HS1BP3: variants seen among roughly 807,000 people sequenced by gnomAD.
HS1BP3 encodes HCLS1 binding protein 3, also known as HCLS1-binding protein 3.
HS1BP3 carries 32 observed loss-of-function variants against 33.5 expected under a neutral mutation model. That is an observed-to-expected ratio of 0.95 (90% CI 0.72 to 1.28). The LOEUF (loss-of-function observed/expected upper bound fraction) is 1.28, where lower values mean the gene tolerates loss of function less well. Among genes scored for constraint, HS1BP3 ranks in the 50% most tolerant of loss-of-function variants. The probability of loss-of-function intolerance (pLI) is 0.00; values close to 1 mark genes in which losing one functional copy is unlikely to be tolerated. For synonymous variants in HS1BP3, 187 were observed against 209.2 expected, an observed-to-expected ratio of 0.89 and a Z score of 0.92; for missense variants, 486 against 502.3, an observed-to-expected ratio of 0.97 and a Z score of 0.31.
chr2:20,622,367 T>A lies in HS1BP3; in HGVS notation c.920+1529A>T, dbSNP rs1310581669. On this transcript the variant is annotated intron_variant, in intron 6 of 6. Transcript: ENST00000304031. ...CAGTTAATCCTTTCATTAGCAGATG[T>A]CTGCTAAAGTGAAGGTGGGGGTGCG... 3 of 1,289,574 alleles carry A rather than the reference T, an allele frequency of 2.3e-6. No homozygotes were observed. The Admixed American group carries it at 6.9e-5, about 30-fold the overall frequency. 79.9% of individuals were successfully genotyped at this position (1,289,574 alleles called of 1,614,324 possible). A position where few individuals can be genotyped will look rare whatever the true frequency, so the allele number is the denominator to read the frequency against.
intron 5 of HS1BP3, among the ~76,000 whole-genome samples, chr2:20,561,938 G>C (rs1293687571): frequency 6.6e-6 from 1 of 152,188 alleles, no homozygotes; most frequent in Non-Finnish European, 1.5e-5. Flanking sequence ...GGGTGGAAGA[G>C]AGGCTGAAGG....
chr2:20,593,608 G>A (rs532589526), intron 3 of HS1BP3, among the ~76,000 whole-genome samples: 1 of 152,050 alleles, frequency 6.6e-6, no homozygotes, highest in East Asian at 1.9e-4. Flanking sequence ...CCTCTTTTTC[G>A]AGCCAGACAT....
chr2:20,578,061 G>A (rs1331890077), intron 5 of HS1BP3, among the ~76,000 whole-genome samples: 1 of 152,190 alleles, frequency 6.6e-6, no homozygotes, highest in Non-Finnish European at 1.5e-5. Context: ...AGCCGGCTGG[G>A]GACCTCTGGC....
chr2:20,645,431 G>C lies in HS1BP3; in HGVS notation c.107C>G (p.Ser36Cys). 1 of 1,614,176 alleles carries C rather than the reference G, an allele frequency of 6.2e-7. No individual in the cohort carries two copies. The highest frequency in any genetic ancestry group is 8.5e-7 in the Non-Finnish European group (1 of 1,180,030). ...CAGGATCTGGTACTCCACGTGTCCA[G>C]ACATCATCTTGCCCCGTACCTCCTG... ...QHQEVRGKMM[S>C]GHVEYQILVV... The change falls in exon 2 of 7, where the codon TCT (serine) becomes TGT (cysteine). Residue 36 changes from serine to cysteine, a missense_variant. By Grantham distance (112) the Ser-to-Cys change is moderately radical. Coordinates refer to ENST00000304031, the MANE Select transcript of HS1BP3 (RefSeq NM_022460.4).
At chr2:20,596,597 A>G (rs1291386469) in intron 3 of HS1BP3, among the ~76,000 whole-genome samples, 1 of 152,190 alleles carries the variant, frequency 6.6e-6, no homozygotes, top group East Asian at 1.9e-4. Context: ...TGAGCTATAC[A>G]TTGCTGTTGT....
intron 5 of HS1BP3, among the ~76,000 whole-genome samples, chr2:20,587,558 C>G (rs924193634): frequency 1.3e-5 from 2 of 152,168 alleles, no homozygotes; most frequent in African/African-American, 4.8e-5. Flanking sequence ...TCACCAATGA[C>G]AGTGGCCATG....
chr2:20,608,574 CAA>C (rs60486220), intron 2 of HS1BP3, among the ~76,000 whole-genome samples: 49,948 of 96,442 alleles, frequency 0.52, 12,010 homozygotes, highest in Middle Eastern at 0.68. Flanking sequence ...AACTCCGTCT[CAA>C]AAAAAAAAAA....
intron 3 of HS1BP3, among the ~76,000 whole-genome samples, chr2:20,595,208 G>T (rs569834103): frequency 1.3e-5 from 2 of 152,218 alleles, no homozygotes; most frequent in Admixed American, 1.3e-4. Context: ...TTTCAGTCTG[G>T]ACAGATGGCT....
At chr2:20,584,407 C>G (rs148977540) in intron 5 of HS1BP3, among the ~76,000 whole-genome samples, 192 of 152,368 alleles carry the variant, frequency 1.3e-3, no homozygotes, top group African/African-American at 4.5e-3. Context: ...CTTGCTGACT[C>G]AGCCTGCCTG....
intron 2 of HS1BP3, 125 bp downstream of exon 2, chr2:20,645,215 C>T: frequency 1.1e-6 from 1 of 947,852 alleles, no homozygotes; most frequent in Non-Finnish European, 1.6e-6. Context: ...TACTCCAGGC[C>T]CTGAGCAAGC....
chr2:20,627,998 C>G (rs4666446), intron 4 of HS1BP3, among the ~76,000 whole-genome samples: 52,167 of 152,000 alleles, frequency 0.34, 9,348 homozygotes, highest in East Asian at 0.6. Flanking sequence ...TTCTGTTAAT[C>G]CCCAAGGCGG....
chr2:20,567,034 G>A (rs6531245), intron 5 of HS1BP3, among the ~76,000 whole-genome samples: 1,663 of 152,278 alleles, frequency 0.011, 25 homozygotes, highest in African/African-American at 0.039. Context: ...CACCATGGAA[G>A]TCACGGGTAT....
chr2:20,650,307 C>T (rs80176929), intron 1 of HS1BP3, among the ~76,000 whole-genome samples: 19 of 152,120 alleles, frequency 1.2e-4, no homozygotes, highest in Non-Finnish European at 1.2e-4. Context: ...CACTTTACAG[C>T]GTTTTAAAGG....
At chr2:20,634,345 C>T (rs1362163445) in intron 4 of HS1BP3, among the ~76,000 whole-genome samples, 1 of 152,214 alleles carries the variant, frequency 6.6e-6, no homozygotes, top group East Asian at 1.9e-4. Context: ...ATTCTGGGGG[C>T]CCTACCCAGA....
At chr2:20,612,114 C>T (rs1440038243) in intron 2 of HS1BP3, among the ~76,000 whole-genome samples, 1 of 152,126 alleles carries the variant, frequency 6.6e-6, no homozygotes, top group Non-Finnish European at 1.5e-5. Context: ...CTTATACTAC[C>T]CTAATGAGGC....
At chr2:20,641,201 G>C in intron 2 of HS1BP3, 21 bp from the exon 3 acceptor site, 1 of 1,592,766 alleles carries the variant, frequency 6.3e-7, no homozygotes, top group East Asian at 2.2e-5. Context: ...AGGAGCATGT[G>C]GTTTCCTGAG....
rs151190348 is a variant in HS1BP3 at position 20,634,079 on chromosome 2, C to T, written c.623+4357G>A. On this transcript the variant is annotated intron_variant, in intron 4 of 6. Coordinates refer to ENST00000304031, the MANE Select transcript of HS1BP3 (RefSeq NM_022460.4). Reference sequence around the variant, plus strand: ...AGGATGGCACAGCAGAGAACTCGTCCAGCAGGTGGGTCAGCAGACGAGGGA... The same window carrying T: ...AGGATGGCACAGCAGAGAACTCGTCTAGCAGGTGGGTCAGCAGACGAGGGA... Among the ~76,000 whole-genome samples, 624 of 152,366 alleles carry T rather than the reference C, an allele frequency of 4.1e-3. 5 individuals carry two copies. The highest frequency in any genetic ancestry group is 0.015 in the African/African-American group (608 of 41,586).
At chr2:20,579,628 G>A (rs748021466) in intron 5 of HS1BP3, among the ~76,000 whole-genome samples, 2 of 152,294 alleles carry the variant, frequency 1.3e-5, no homozygotes, top group Middle Eastern at 6.8e-3. Context: ...TACTCTTTCT[G>A]GGAGGTGGGG....
Position 20,607,476 on chromosome 2 carries a change from C to T in HS1BP3, c.179-9211G>A, listed in dbSNP as rs900398747. 9.8e-4 allele frequency among the ~76,000 whole-genome samples: 149 copies of T among 152,228 alleles called. 1 individual carries two copies. The highest frequency in any genetic ancestry group is 3.1e-3 in the African/African-American group (129 of 41,544). On this transcript the variant is annotated intron_variant, in intron 2 of 3. Coordinates refer to the HS1BP3 transcript ENST00000415264. ...TGGCCTCTGACTTCATTCTTTTACA[C>T]GTGGATGTCCCCTCCAATACAATTT...
Sources: allele counts gnomAD v4.1 joint callset (sites outside exome capture counted in the v4.1 genomes callset), GRCh38; gene constraint gnomAD v4.1.1; transcripts MANE v1.5; gene names NCBI Gene and HGNC (gene_info 2026-07-23, HGNC 2026-07-21).